Variants in PRKG1 observed in about 807,000 individuals in gnomAD.
The protein encoded by PRKG1 is cGMP-dependent protein kinase 1.
A neutral mutation model predicts 88.1 loss-of-function variants in PRKG1; 35 were observed. The ratio of observed to expected loss-of-function variants is 0.40; its 90% CI spans 0.30 to 0.53. The LOEUF is 0.53. Among genes scored for constraint, PRKG1 ranks in the 20% least tolerant of loss-of-function variants. The pLI, the probability that PRKG1 is intolerant of heterozygous loss-of-function variation, is 0.59. For synonymous variants in PRKG1, 303 were observed against 292.5 expected (o/e 1.04, Z -0.37); for missense variants, 540 against 839.8 (o/e 0.64, Z 4.41).
At chr10:51,143,230 G>A (rs969986037) in intron 1 of PRKG1, among the ~76,000 whole-genome samples, 15 of 152,070 alleles carry the variant, frequency 9.9e-5, no homozygotes, top group African/African-American at 3.1e-4. Flanking sequence ...AGATCGTGTG[G>A]TATTCATCTT....
At chr10:51,079,356 G>T (rs187965247) in intron 1 of PRKG1, among the ~76,000 whole-genome samples, 40 of 152,300 alleles carry the variant, frequency 2.6e-4, no homozygotes, top group African/African-American at 9.4e-4. Flanking sequence ...TATGGTGTCA[G>T]AAACTCATGT....
chr10:51,771,314 A>G (rs1167230650), intron 3 of PRKG1, among the ~76,000 whole-genome samples: 4 of 152,186 alleles, frequency 2.6e-5, no homozygotes, highest in Non-Finnish European at 5.9e-5. Flanking sequence ...CTGTACTTCT[A>G]TGATTACTTA....
intron 5 of PRKG1, among the ~76,000 whole-genome samples, chr10:51,952,124 C>T (rs1434588719): frequency 6.6e-6 from 1 of 152,166 alleles, no homozygotes; most frequent in Admixed American, 6.5e-5. Context: ...AAAAGCTTGC[C>T]AATCCCTCTG....
intron 3 of PRKG1, among the ~76,000 whole-genome samples, chr10:51,619,448 A>ATCTT (rs1839152090): frequency 2.0e-5 from 3 of 152,176 alleles, no homozygotes; most frequent in African/African-American, 7.2e-5. Flanking sequence ...TCTGAAAGAC[A>ATCTT]TTTTTGTTTT....
chr10:51,970,585 T>C (rs2133089072), intron 5 of PRKG1, among the ~76,000 whole-genome samples: 1 of 150,526 alleles, frequency 6.6e-6, no homozygotes, highest in East Asian at 1.9e-4. Flanking sequence ...TTTTATTTAT[T>C]TAGTTTTTGC....
At chr10:52,063,759 G>A (rs545558725) in intron 7 of PRKG1, among the ~76,000 whole-genome samples, 2 of 152,258 alleles carry the variant, frequency 1.3e-5, no homozygotes, top group East Asian at 3.9e-4. Flanking sequence ...CCTCTCTGTA[G>A]GCAGGTCGTC....
intron 3 of PRKG1, among the ~76,000 whole-genome samples, chr10:51,540,995 G>A (rs1021105659): frequency 8.5e-5 from 13 of 152,172 alleles, no homozygotes; most frequent in Non-Finnish European, 1.8e-4. Context: ...GGGATTACAG[G>A]CGTGAGCCAC....
intron 2 of PRKG1, among the ~76,000 whole-genome samples, chr10:51,218,511 A>G (rs1418229354): frequency 8.3e-6 from 1 of 120,056 alleles, no homozygotes; most frequent in African/African-American, 3.5e-5. Context: ...ATATATATAT[A>G]TATATATATA....
chr10:51,256,716 T>C (rs1839569165), intron 2 of PRKG1, among the ~76,000 whole-genome samples: 1 of 151,862 alleles, frequency 6.6e-6, no homozygotes, highest in Non-Finnish European at 1.5e-5. Context: ...TTAGATTTAC[T>C]CTAGGAGTGA....
chr10:52,223,827 CCTTTT>C (rs370400518), intron 9 of PRKG1, among the ~76,000 whole-genome samples: 1 of 152,086 alleles, frequency 6.6e-6, no homozygotes, highest in African/African-American at 2.4e-5. Context: ...TCAGAATCAT[CCTTTT>C]CTTTTTTCTT....
chr10:51,170,006 T>C (rs971116642), intron 2 of PRKG1, among the ~76,000 whole-genome samples: 11 of 151,972 alleles, frequency 7.2e-5, no homozygotes, highest in South Asian at 2.1e-4. Flanking sequence ...ACTATTGCTC[T>C]TCAGAGTTGA....
At chr10:51,214,959 C>T (rs1042391521) in intron 2 of PRKG1, among the ~76,000 whole-genome samples, 6 of 152,176 alleles carry the variant, frequency 3.9e-5, no homozygotes, top group African/African-American at 1.4e-4. Context: ...AAGATTGTCA[C>T]TTGCTCTTTG....
chr10:52,115,560 A>G (rs1847667348), intron 7 of PRKG1, among the ~76,000 whole-genome samples: 1 of 151,798 alleles, frequency 6.6e-6, no homozygotes, highest in South Asian at 2.1e-4. Flanking sequence ...CTAAGACATC[A>G]CCTCTTCCCA....
At chr10:51,051,335 C>T (rs185231218) in intron 1 of PRKG1, among the ~76,000 whole-genome samples, 12 of 152,062 alleles carry the variant, frequency 7.9e-5, no homozygotes, top group Admixed American at 4.6e-4. Context: ...GTTGATTTTT[C>T]GTATGATGCA....
intron 2 of PRKG1, among the ~76,000 whole-genome samples, chr10:51,367,795 T>C (rs1481876228): frequency 6.6e-6 from 1 of 151,988 alleles, no homozygotes; most frequent in African/African-American, 2.4e-5. Flanking sequence ...GGTCCAGTAG[T>C]AAATTGGTAT....
chr10:52,241,214 T>G (rs1476214980), intron 9 of PRKG1, among the ~76,000 whole-genome samples: 2 of 152,122 alleles, frequency 1.3e-5, no homozygotes, highest in Non-Finnish European at 1.5e-5. Flanking sequence ...AATGAAAACC[T>G]CTGGTATTAT....
chr10:52,291,167 C>A (rs1352369572), intron 17 of PRKG1, among the ~76,000 whole-genome samples: 1 of 151,960 alleles, frequency 6.6e-6, no homozygotes, highest in Admixed American at 6.6e-5. Context: ...AAGTGATCCT[C>A]CCACCTCGGC....
At chr10:51,463,503 G>C (rs1325103186) in intron 2 of PRKG1, among the ~76,000 whole-genome samples, 4 of 152,234 alleles carry the variant, frequency 2.6e-5, no homozygotes, top group African/African-American at 9.6e-5. Flanking sequence ...AAGAAAAAAA[G>C]ACACAACTCC....
chr10:51,814,938 G>T (rs766020168), intron 4 of PRKG1, among the ~76,000 whole-genome samples: 1 of 152,012 alleles, frequency 6.6e-6, no homozygotes, highest in Admixed American at 6.6e-5. Flanking sequence ...TATATTTGTG[G>T]TAAAATCTTC....
Sources: gnomAD v4.1 joint callset for allele counts (sites outside exome capture counted in the v4.1 genomes callset) on GRCh38, gnomAD v4.1.1 for gene constraint, MANE v1.5 for transcripts, NCBI Gene and HGNC (gene_info 2026-07-23, HGNC 2026-07-21) for gene names.